The following GPR158 variants were observed in gnomAD, a reference collection of about 807,000 sequenced individuals.
The protein encoded by GPR158 is G protein-coupled receptor 158.
Under a neutral mutation model 78.2 loss-of-function variants are expected in GPR158, and 30 were observed. That is an observed-to-expected ratio of 0.38 (90% CI 0.29 to 0.52). The LOEUF (loss-of-function observed/expected upper bound fraction) is 0.52, where lower values mean the gene tolerates loss of function less well. GPR158 is among the 20% of genes least tolerant of loss of function. The pLI, the probability that GPR158 is intolerant of heterozygous loss-of-function variation, is 0.83. For synonymous variants in GPR158, 581 were observed against 591.1 expected (o/e 0.98, Z 0.25); for missense variants, 1,463 against 1,523.5 (o/e 0.96, Z 0.66).
intron 6 of GPR158, among the ~76,000 whole-genome samples, chr10:25,555,099 AAAG>A (rs2130716093): frequency 6.6e-6 from 1 of 152,240 alleles, no homozygotes; most frequent in East Asian, 1.9e-4. Flanking sequence ...AAGGAGAAAG[AAAG>A]AAAAAGAAAG....
intron 4 of GPR158, among the ~76,000 whole-genome samples, chr10:25,446,149 T>A (rs1353723660): frequency 6.6e-6 from 1 of 152,174 alleles, no homozygotes; most frequent in Non-Finnish European, 1.5e-5. Context: ...GAAACTTTAA[T>A]CACCTGAAGG....
intron 2 of GPR158, among the ~76,000 whole-genome samples, chr10:25,379,896 T>C (rs1834131910): frequency 6.6e-6 from 1 of 151,822 alleles, no homozygotes; most frequent in Non-Finnish European, 1.5e-5. Context: ...TACCTCCTTT[T>C]TTTTTTTACC....
At chr10:25,338,585 A>ATATTG (rs1246364939) in intron 2 of GPR158, among the ~76,000 whole-genome samples, 1 of 146,478 alleles carries the variant, frequency 6.8e-6, no homozygotes, top group East Asian at 2.0e-4. Context: ...TATATAATAC[A>ATATTG]TATTATATAT....
intron 1 of GPR158, among the ~76,000 whole-genome samples, chr10:25,214,584 T>G (rs373090209): frequency 2.6e-5 from 4 of 152,220 alleles, no homozygotes; most frequent in Admixed American, 1.3e-4. Flanking sequence ...GGATACCATA[T>G]ATTATGGTAT....
intron 2 of GPR158, among the ~76,000 whole-genome samples, chr10:25,355,094 C>T (rs1305971871): frequency 6.6e-6 from 1 of 152,056 alleles, no homozygotes; most frequent in African/African-American, 2.4e-5. Flanking sequence ...ATATTAATCC[C>T]TTTCCCAAGT....
chr10:25,175,389 T>A lies in GPR158; in HGVS notation c.-32T>A. The A allele has an allele frequency of 9.2e-6, 12 of 1,304,300 alleles. No individual in the cohort carries two copies. Among genetic ancestry groups the A allele is most frequent in the South Asian group, 1.4e-5 (1 of 70,748 alleles). The allele number at this position is 1,304,300 out of a possible 1,614,324, so 80.8% of individuals were successfully genotyped here. On this transcript the variant is annotated 5_prime_UTR_variant, in exon 1 of 11. Transcript: ENST00000376351. This position sits in a 1 kb window ranked among gnomAD's most constrained non-coding sequence, Gnocchi z 6.4. ...AAATTTAAAAAGTGATTCCCCCCCC[T>A]CCCGTTCCCTCCTCTTCTCTCTGGG...
chr10:25,242,741 C>CT lies in GPR158; in HGVS notation c.1008+21592dup, dbSNP rs552400494. Among the ~76,000 whole-genome samples, 220 of 152,140 alleles carry CT rather than the reference C, an allele frequency of 1.4e-3. 1 individual carries two copies. The highest frequency in any genetic ancestry group is 4.9e-3 in the African/African-American group (203 of 41,508). On this transcript the variant is annotated intron_variant, in intron 2 of 10. Coordinates refer to ENST00000376351, the MANE Select transcript of GPR158 (RefSeq NM_020752.3). ...ATTTTAGCTCAGTAACTTGAGTGTA[C>CT]TTTTTTTTCCAATTTTATCAGAATA...
chr10:25,502,562 A>C (rs751056306), intron 5 of GPR158, among the ~76,000 whole-genome samples: 2 of 152,106 alleles, frequency 1.3e-5, no homozygotes, highest in Non-Finnish European at 2.9e-5. Context: ...CCTGCTGGGT[A>C]ATGAAGCACC....
At chr10:25,278,836 A>G (rs1182707137) in intron 2 of GPR158, among the ~76,000 whole-genome samples, 1 of 151,786 alleles carries the variant, frequency 6.6e-6, no homozygotes, top group Non-Finnish European at 1.5e-5. Flanking sequence ...ATAACTAAAT[A>G]AAAAGCTTAG....
intron 1 of GPR158, among the ~76,000 whole-genome samples, chr10:25,186,960 ATTTT>A (rs1172184108): frequency 2.3e-4 from 28 of 119,238 alleles, no homozygotes; most frequent in African/African-American, 8.9e-4. Flanking sequence ...TCCCTAACTC[ATTTT>A]TTTTTTTTTT....
intron 1 of GPR158, among the ~76,000 whole-genome samples, chr10:25,205,309 A>AT (rs55954118): frequency 0.028 from 3,027 of 106,666 alleles, 34 homozygotes; most frequent in Non-Finnish European, 0.04. Context: ...ATAGTGTTCT[A>AT]TTTTTTTTTT....
At position 25,226,701 on chromosome 10, in the gene GPR158, CTCT is replaced by C. The variant is rs750104864; in HGVS notation, c.1008+5549_1008+5551del. Among the ~76,000 whole-genome samples, 5 of 152,132 alleles carry C rather than the reference CTCT, an allele frequency of 3.3e-5. No individual in the cohort carries two copies. In the East Asian group the frequency reaches 5.8e-4, roughly 18 times the overall value. On this transcript the variant is annotated intron_variant, in intron 2 of 10. Transcript: ENST00000376351. ...TGTGGTTATTTAATATAAAGTCACA[CTCT>C]TCTTTTGGAATGTAGGACAATGATC...
intron 2 of GPR158, among the ~76,000 whole-genome samples, chr10:25,374,305 G>T (rs1166177021): frequency 1.3e-5 from 2 of 151,348 alleles, no homozygotes; most frequent in African/African-American, 4.8e-5. Flanking sequence ...TATAGAGGGA[G>T]GTTTTCTATA....
At chr10:25,222,893 T>C (rs1853319618) in intron 2 of GPR158, among the ~76,000 whole-genome samples, 1 of 152,208 alleles carries the variant, frequency 6.6e-6, no homozygotes, top group Non-Finnish European at 1.5e-5. Context: ...TTACAGTTGC[T>C]GCTTGCTTCT....
chr10:25,194,750 G>C (rs928142520), intron 1 of GPR158, among the ~76,000 whole-genome samples: 1 of 151,896 alleles, frequency 6.6e-6, no homozygotes, highest in South Asian at 2.1e-4. Context: ...ATTTGGTTTC[G>C]TTATATTCCT....
intron 2 of GPR158, among the ~76,000 whole-genome samples, chr10:25,345,735 A>C (rs1396729762): frequency 2.6e-5 from 4 of 151,918 alleles, no homozygotes; most frequent in Non-Finnish European, 4.4e-5. Flanking sequence ...GCTATGGACG[A>C]TGTCTTAATA....
intron 5 of GPR158, among the ~76,000 whole-genome samples, chr10:25,491,481 C>T (rs1185288376): frequency 6.6e-6 from 1 of 152,162 alleles, no homozygotes; most frequent in East Asian, 1.9e-4. Flanking sequence ...ACTAGGATTT[C>T]AGAGTTCATT....
intron 1 of GPR158, among the ~76,000 whole-genome samples, chr10:25,197,239 C>G (rs1430119766): frequency 6.6e-6 from 1 of 152,140 alleles, no homozygotes; most frequent in Non-Finnish European, 1.5e-5. Context: ...TACTTATTAC[C>G]TGTGTCTTTA....
chr10:25,482,073 C>T (rs1288024513), intron 5 of GPR158, among the ~76,000 whole-genome samples: 2 of 152,074 alleles, frequency 1.3e-5, no homozygotes, highest in African/African-American at 4.8e-5. Flanking sequence ...TAGTGTGCCA[C>T]ACAGGTACAT....
Sources: gnomAD v4.1 joint callset for allele counts (sites outside exome capture counted in the v4.1 genomes callset) on GRCh38, gnomAD v4.1.1 for gene constraint, Gnocchi (gnomAD v3.1) non-coding constraint, MANE v1.5 for transcripts, NCBI Gene and HGNC (gene_info 2026-07-23, HGNC 2026-07-21) for gene names.